Variants in MIA2 observed in about 807,000 individuals in gnomAD.
MIA2 encodes MIA SH3 domain ER export factor 2.
A neutral mutation model predicts 167.8 loss-of-function variants in MIA2; 127 were observed. The observed-to-expected ratio is 0.76, with a 90% CI of 0.66 to 0.88. The LOEUF (loss-of-function observed/expected upper bound fraction) is 0.88. MIA2 is among the 40% of genes least tolerant of loss of function. The probability of loss-of-function intolerance (pLI) is 0.00; values close to 1 mark genes in which losing one functional copy is unlikely to be tolerated. For missense variants in MIA2, 1,690 were observed against 1,624.7 expected, an observed-to-expected ratio of 1.04 and a Z score of -0.69; for synonymous variants, 552 against 541.9, an observed-to-expected ratio of 1.02 and a Z score of -0.26.
Position 39,284,750 on chromosome 14 carries a change from C to A in MIA2, c.2130+5213C>A, listed in dbSNP as rs191065709. 2.8e-3 allele frequency among the ~76,000 whole-genome samples: 418 copies of A among 147,194 alleles called. 4 individuals carry two copies. The Middle Eastern group carries it at 0.032, about 11-fold the overall frequency. ...AAATAGGATTGTTTTCTTTTTTTTT[C>A]TTTTTTTTATTTTTTTTTTATTGAT... is the stretch of plus-strand genomic sequence containing the variant. On this transcript the variant is annotated intron_variant, in intron 9 of 28. Transcript: ENST00000640607.
At chr14:39,269,813 G>T (rs1041944517) in intron 6 of MIA2, among the ~76,000 whole-genome samples, 2 of 152,080 alleles carry the variant, frequency 1.3e-5, no homozygotes, top group Non-Finnish European at 2.9e-5. Flanking sequence ...GAGCCACTTC[G>T]CCTGGCCCTT....
In MIA2 at chr14:39,314,689, G is replaced by A. The variant is rs747839592; in HGVS notation, c.3120-50G>A. 39 of 1,302,766 alleles carry A rather than the reference G, an allele frequency of 3.0e-5. No homozygotes were observed. In the Middle Eastern group the frequency reaches 8.2e-4, roughly 27 times the overall value. The allele number at this position is 1,302,766 out of a possible 1,614,324, so 80.7% of individuals were successfully genotyped here. On this transcript the variant is annotated intron_variant, in intron 19 of 28. Coordinates refer to ENST00000640607, the MANE Select transcript of MIA2 (RefSeq NM_001329214.4). The stretch of plus-strand genomic sequence containing the variant: ...ATTTTTTTAGTAGAGAGTATGTTCT[G>A]TCATTTCATGTTATATGTTAATAGT...
chr14:39,247,459 A>T lies in MIA2; in HGVS notation c.885A>T (p.Ala295=). 1 of 1,613,990 alleles carries T rather than the reference A, an allele frequency of 6.2e-7. No individual in the cohort carries two copies. Among genetic ancestry groups the T allele is most frequent in the Non-Finnish European group, 8.5e-7 (1 of 1,179,962 alleles). Residue 295 remains alanine, a synonymous_variant, in exon 4 of 29, where the codon GCA becomes GCT. Coordinates refer to ENST00000640607, the MANE Select transcript of MIA2 (RefSeq NM_001329214.4). ...DSVPKTQSEL[A]SESEHIPKPQ... ...TGCCAAAGACACAGTCTGAACTAGC[A>T]TCTGAGTCAGAGCACATTCCCAAAC...
At chr14:39,267,434 GC>G in intron 6 of MIA2, 1 of 1,611,178 alleles carries the variant, frequency 6.2e-7, no homozygotes. Flanking sequence ...GGTTACTGTG[GC>G]GACCACGAGA....
At chr14:39,347,816 T>C in intron 27 of MIA2, 45 bp downstream of exon 27, 1 of 1,085,994 alleles carries the variant, frequency 9.2e-7, no homozygotes, top group Non-Finnish European at 1.3e-6. Flanking sequence ...TTCAGAAGCC[T>C]TCTTTTTTTT....
chr14:39,291,083 C>A lies in MIA2; in HGVS notation c.2195C>A (p.Ala732Glu). Reference protein sequence around the residue: ...DASFEKEATEAQSLEATCEKL... With the variant: ...DASFEKEATEEQSLEATCEKL... The stretch of plus-strand genomic sequence containing the variant: ...AGCTTTGAGAAGGAGGCAACAGAAG[C>A]ACAAAGTTTGGAGGTAGAAAATCAA... Residue 732 changes from alanine to glutamate, a missense_variant, in exon 10 of 29, where the codon GCA becomes GAA. Coordinates refer to ENST00000640607, the MANE Select transcript of MIA2 (RefSeq NM_001329214.4). 3 of 1,603,008 alleles carry A rather than the reference C, an allele frequency of 1.9e-6. No homozygotes were observed. The highest frequency in any genetic ancestry group is 1.3e-5 in the African/African-American group (1 of 74,414).
chr14:39,318,250 A>T (rs996604669), intron 22 of MIA2, among the ~76,000 whole-genome samples: 2 of 152,054 alleles, frequency 1.3e-5, no homozygotes, highest in Admixed American at 1.3e-4. Context: ...TATAACTAGA[A>T]TTTTTTTTAA....
In MIA2 at chr14:39,308,558, A is replaced by G; in HGVS notation, c.2988A>G (p.Leu996=). The change falls in exon 18 of 29, where the codon TTA becomes TTG. Residue 996 remains leucine (L), a synonymous_variant. Coordinates refer to ENST00000640607, the MANE Select transcript of MIA2 (RefSeq NM_001329214.4). ...AGAAACTTAAAGTAATGACTGAATT[A>G]TATCAAGAAAATGAAATGAAACTCC... ...LQQKLKVMTE[L]YQENEMKLHR... 3.2e-6 allele frequency: 5 copies of G among 1,563,098 alleles called. No homozygotes were observed. Among genetic ancestry groups the G allele is most frequent in the Non-Finnish European group, 3.5e-6 (4 of 1,154,248 alleles).
downstream of MIA2, chr14:39,350,831 C>A (rs1396726714): frequency 6.6e-6 from 1 of 151,994 alleles, no homozygotes; most frequent in Non-Finnish European, 1.5e-5. Context: ...TGGCCCAAAG[C>A]AACAAATTAA....
chr14:39,269,429 A>G (rs551390684), intron 6 of MIA2, among the ~76,000 whole-genome samples: 8 of 151,778 alleles, frequency 5.3e-5, no homozygotes, highest in African/African-American at 1.9e-4. Flanking sequence ...TAGTCATGCT[A>G]TATGTGGCCT....
At chr14:39,332,321 G>T (rs746166843) in intron 25 of MIA2, among the ~76,000 whole-genome samples, 2 of 152,088 alleles carry the variant, frequency 1.3e-5, no homozygotes, top group Non-Finnish European at 2.9e-5. Flanking sequence ...CTCGAAATTG[G>T]TTTTTCCAGT....
chr14:39,236,675 G>A (rs1305295124), intron 1 of MIA2, among the ~76,000 whole-genome samples: 5 of 152,126 alleles, frequency 3.3e-5, no homozygotes, highest in African/African-American at 1.2e-4. Context: ...TGTGTGAAGG[G>A]ATAGGAAGAG....
intron 25 of MIA2, among the ~76,000 whole-genome samples, chr14:39,344,534 A>G (rs1276454862): frequency 6.6e-6 from 1 of 152,182 alleles, no homozygotes; most frequent in East Asian, 1.9e-4. Flanking sequence ...GGAGCTCATT[A>G]AATATAATTC....
Position 39,298,927 on chromosome 14 carries a change from TA to T in MIA2, c.2497-932del, listed in dbSNP as rs746021128. On this transcript the variant is annotated intron_variant, in intron 13 of 28. Coordinates refer to ENST00000640607, the MANE Select transcript of MIA2 (RefSeq NM_001329214.4). ...AGTAAGACCTTGACTCTACAAAAAA[TA>T]AAAATAAAAAAATTAGCAGAGTATG... 1.2e-4 allele frequency among the ~76,000 whole-genome samples: 18 copies of T among 151,262 alleles called. 1 individual carries two copies. Among genetic ancestry groups the T allele is most frequent in the Admixed American group, 2.6e-4 (4 of 15,160 alleles).
intron 23 of MIA2, among the ~76,000 whole-genome samples, chr14:39,357,681 T>C (rs1156586988): frequency 2.6e-5 from 4 of 152,234 alleles, no homozygotes; most frequent in African/African-American, 9.6e-5. Context: ...GTTTTTGCAG[T>C]GGCTGTTACA....
At chr14:39,285,349 C>G (rs1287230563) in intron 9 of MIA2, among the ~76,000 whole-genome samples, 1 of 151,476 alleles carries the variant, frequency 6.6e-6, no homozygotes, top group East Asian at 2.0e-4. Context: ...GCCCCCCCAC[C>G]TCCCGGACGG....
At chr14:39,285,357 CG>C (rs1292007212) in intron 9 of MIA2, among the ~76,000 whole-genome samples, 2 of 150,898 alleles carry the variant, frequency 1.3e-5, no homozygotes, top group Non-Finnish European at 3.0e-5. Flanking sequence ...ACCTCCCGGA[CG>C]GGGCGGCGGC....
intron 26 of MIA2, chr14:39,347,508 T>A (rs912381646): frequency 3.6e-6 from 2 of 551,292 alleles, no homozygotes; most frequent in South Asian, 4.5e-5. Context: ...GAGAAATAAT[T>A]GCCACATGCC....
intron 14 of MIA2, among the ~76,000 whole-genome samples, chr14:39,301,009 CACATATAT>C (rs1372974897): frequency 2.8e-5 from 4 of 143,988 alleles, no homozygotes; most frequent in South Asian, 2.1e-4. Flanking sequence ...TACATATATA[CACATATAT>C]ACACACATAT....
Sources: gnomAD v4.1 joint callset for allele counts (sites outside exome capture counted in the v4.1 genomes callset) on GRCh38, gnomAD v4.1.1 for gene constraint, MANE v1.5 for transcripts, NCBI Gene and HGNC (gene_info 2026-07-23, HGNC 2026-07-21) for gene names.